RANBP17: variants seen among roughly 807,000 people sequenced by gnomAD.
RANBP17 encodes ran-binding protein 17.
A neutral mutation model predicts 141.2 loss-of-function variants in RANBP17; 158 were observed. The ratio of observed to expected loss-of-function variants is 1.12; its 90% CI spans 0.98 to 1.28. The LOEUF is 1.28. Among genes scored for constraint, RANBP17 ranks in the 50% most tolerant of loss-of-function variants. RANBP17 has a pLI of 0.00. For missense variants in RANBP17, 1,438 were observed against 1,290.7 expected (o/e 1.11, Z -1.75); for synonymous variants, 430 against 450.0 (o/e 0.96, Z 0.56).
Position 170,922,787 on chromosome 5 carries a change from C to T in RANBP17, c.1275-1570C>T, listed in dbSNP as rs1460759725. Among the ~76,000 whole-genome samples the T allele has an allele frequency of 2.0e-5, 3 of 152,072 alleles. No individual in the cohort carries two copies. In the East Asian group the frequency reaches 5.8e-4, roughly 29 times the overall value. On this transcript the variant is annotated intron_variant, in intron 11 of 27. Transcript: ENST00000523189. ...CCCTTGCGCTTCCTGGGTGAGGCGACGCCCTGCCCTGCTTCAGCTTGCCCT... is the reference window on the plus strand; with the variant it reads ...CCCTTGCGCTTCCTGGGTGAGGCGATGCCCTGCCCTGCTTCAGCTTGCCCT...
chr5:171,045,410 T>C (rs1041216771), intron 14 of RANBP17, among the ~76,000 whole-genome samples: 1 of 152,150 alleles, frequency 6.6e-6, no homozygotes, highest in Non-Finnish European at 1.5e-5. Flanking sequence ...GATTTGATTG[T>C]TATTTTAAAG....
chr5:171,214,534 A>G (rs150390127), intron 21 of RANBP17, among the ~76,000 whole-genome samples: 1 of 152,144 alleles, frequency 6.6e-6, no homozygotes, highest in African/African-American at 2.4e-5. Flanking sequence ...AGGTATCCAG[A>G]CAGGGAAGGG....
intron 25 of RANBP17, among the ~76,000 whole-genome samples, chr5:171,281,965 C>A (rs1767888470): frequency 6.6e-6 from 1 of 152,052 alleles, no homozygotes; most frequent in African/African-American, 2.4e-5. Flanking sequence ...CCTTGCATTG[C>A]AGAGAGCCTG....
chr5:171,261,616 CAGAAGAGA>C (rs1223452467), intron 24 of RANBP17, among the ~76,000 whole-genome samples: 1 of 152,114 alleles, frequency 6.6e-6, no homozygotes, highest in East Asian at 1.9e-4. Context: ...AGACTGGTTC[CAGAAGAGA>C]AGCACTTGAT....
chr5:170,936,398 G>A (rs576801964), intron 12 of RANBP17, among the ~76,000 whole-genome samples: 53 of 152,042 alleles, frequency 3.5e-4, no homozygotes, highest in African/African-American at 1.2e-3. Context: ...GTTCCTATTC[G>A]GCCATCTTGG....
At chr5:170,992,169 G>C (rs575752175) in intron 14 of RANBP17, among the ~76,000 whole-genome samples, 1 of 151,944 alleles carries the variant, frequency 6.6e-6, no homozygotes, top group Non-Finnish European at 1.5e-5. Flanking sequence ...TTTGATGCTT[G>C]TGTTGCATTT....
intron 14 of RANBP17, among the ~76,000 whole-genome samples, chr5:171,021,377 G>C (rs898385169): frequency 6.6e-6 from 1 of 152,126 alleles, no homozygotes; most frequent in African/African-American, 2.4e-5. Flanking sequence ...TTCCAACTTG[G>C]TTCCATTCTC....
At position 171,199,717 on chromosome 5, in the gene RANBP17, G is replaced by A; in HGVS notation, c.2086G>A (p.Ala696Thr). The change falls in exon 19 of 28, where the codon GCT becomes ACT. Residue 696 changes from alanine (A) to threonine (T), a missense_variant. Physicochemically the swap from Ala to Thr is moderately conservative, Grantham distance 58 (BLOSUM62 0). Transcript: ENST00000523189. ...FENFMLPLTV[A>T]FETVLQIFNN... Reference sequence around the variant, plus strand: ...GAATTTCATGCTGCCTCTTACAGTTGCTTTTGAAACAGTATTACAAATATT... The same window carrying A: ...GAATTTCATGCTGCCTCTTACAGTTACTTTTGAAACAGTATTACAAATATT... 1 of 1,611,730 alleles carries A rather than the reference G, an allele frequency of 6.2e-7. No homozygotes were observed. The highest frequency in any genetic ancestry group is 8.5e-7 in the Non-Finnish European group (1 of 1,178,712).
Position 171,055,897 on chromosome 5 carries a change from C to CAAAAAAAAAAAAA in RANBP17, c.1710+87531_1710+87532insAAAAAAAAAAAAA, listed in dbSNP as rs1185355403. ...CCTGTTGCCAAAAAAAAAAAAAAAA[C>CAAAAAAAAAAAAA]AAAAAAAAAAACATTCTTATTACAC... On this transcript the variant is annotated intron_variant, in intron 14 of 27. Transcript: ENST00000523189. Among the ~76,000 whole-genome samples, 3 of 42,318 alleles carry CAAAAAAAAAAAAA rather than the reference C, an allele frequency of 7.1e-5. 1 individual carries two copies. The highest frequency in any genetic ancestry group is 1.7e-4 in the African/African-American group (3 of 18,136). 27.8% of individuals were successfully genotyped at this position (42,318 alleles called of 152,430 possible).
intron 4 of RANBP17, among the ~76,000 whole-genome samples, chr5:170,894,486 T>TTATATATATATATATATA (rs3080623): frequency 1.1e-4 from 14 of 133,312 alleles, no homozygotes; most frequent in African/African-American, 4.1e-4. Flanking sequence ...TACGTGTTTT[T>TTATATATATATATATATA]TATATATATA....
chr5:170,990,387 A>G (rs1041706648), intron 14 of RANBP17, among the ~76,000 whole-genome samples: 1 of 151,904 alleles, frequency 6.6e-6, no homozygotes, highest in African/African-American at 2.4e-5. Flanking sequence ...TATAAACTTT[A>G]GTAGTGTGGA....
At chr5:171,095,769 C>T (rs1786642781) in intron 14 of RANBP17, among the ~76,000 whole-genome samples, 1 of 152,116 alleles carries the variant, frequency 6.6e-6, no homozygotes, top group Admixed American at 6.6e-5. Flanking sequence ...CCCCCCGACA[C>T]ACCCACACAG....
chr5:171,114,942 T>C (rs1270876767), intron 14 of RANBP17, among the ~76,000 whole-genome samples: 1 of 151,842 alleles, frequency 6.6e-6, no homozygotes, highest in Non-Finnish European at 1.5e-5. Context: ...AGTGAAACCC[T>C]GTCTCTACAA....
chr5:171,183,301 T>C (rs1380744284), intron 17 of RANBP17, 21 bp from the exon 18 acceptor site: 1 of 1,597,384 alleles, frequency 6.3e-7, no homozygotes. Flanking sequence ...GTAACTTGGA[T>C]TACTCTTTTG....
intron 18 of RANBP17, among the ~76,000 whole-genome samples, chr5:171,198,199 G>A (rs1275178353): frequency 6.6e-6 from 1 of 152,236 alleles, no homozygotes; most frequent in African/African-American, 2.4e-5. Context: ...AGTTAACAGA[G>A]AAGAGTGTAT....
In RANBP17 at chr5:171,160,320, G is replaced by A. The variant is rs6873828; in HGVS notation, c.1711-9810G>A. On this transcript the variant is annotated intron_variant, in intron 14 of 27. Coordinates refer to ENST00000523189, the MANE Select transcript of RANBP17 (RefSeq NM_022897.5). ...CCTCTCCCCTCTAACTACTACTAAA[G>A]CTACTCACATACCCACTTAGAACAT... 9.5e-3 allele frequency among the ~76,000 whole-genome samples: 1,451 copies of A among 152,144 alleles called. 26 individuals carry two copies. Among genetic ancestry groups the A allele is most frequent in the African/African-American group, 0.032 (1,328 of 41,480 alleles).
chr5:170,993,937 T>C (rs1450713520), intron 14 of RANBP17, among the ~76,000 whole-genome samples: 1 of 152,102 alleles, frequency 6.6e-6, no homozygotes, highest in African/African-American at 2.4e-5. Flanking sequence ...AGCCAGTCTA[T>C]TGTATCTCTC....
chr5:170,929,571 C>A (rs1773178473), intron 12 of RANBP17, among the ~76,000 whole-genome samples: 1 of 152,056 alleles, frequency 6.6e-6, no homozygotes, highest in Non-Finnish European at 1.5e-5. Flanking sequence ...ATAAATCCTA[C>A]TTGGTCATAA....
intron 18 of RANBP17, among the ~76,000 whole-genome samples, chr5:171,185,258 G>A (rs1266399174): frequency 1.3e-5 from 2 of 152,210 alleles, no homozygotes; most frequent in Non-Finnish European, 2.9e-5. Context: ...CCTGGTGGAA[G>A]GTCTGGCCTC....
Sources: gnomAD v4.1 joint callset for allele counts (sites outside exome capture counted in the v4.1 genomes callset) on GRCh38, gnomAD v4.1.1 for gene constraint, MANE v1.5 for transcripts, NCBI Gene and HGNC (gene_info 2026-07-23, HGNC 2026-07-21) for gene names.